Variants in ATP6V1B1 observed in about 807,000 individuals in gnomAD.
The protein encoded by ATP6V1B1 is ATPase H+ transporting V1 subunit B1.
ATP6V1B1 carries 41 observed loss-of-function variants against 62.1 expected under a neutral mutation model. That is an observed-to-expected ratio of 0.66 (90% CI 0.51 to 0.86). ATP6V1B1 has a LOEUF of 0.86. ATP6V1B1 is among the 40% of genes least tolerant of loss of function. ATP6V1B1 has a pLI of 0.00. For missense variants in ATP6V1B1, 651 were observed against 697.5 expected (o/e 0.93, Z 0.75); for synonymous variants, 253 against 273.4 (o/e 0.93, Z 0.74).
chr2:70,936,625 G>A (rs752562095), intron 1 of ATP6V1B1, among the ~76,000 whole-genome samples: 6 of 152,152 alleles, frequency 3.9e-5, no homozygotes, highest in Non-Finnish European at 8.8e-5. Context: ...ATGTGCCTAG[G>A]GGGTGCTCCC....
intron 2 of ATP6V1B1, chr2:70,956,074 T>A: frequency 4.7e-6 from 1 of 210,616 alleles, no homozygotes; most frequent in Non-Finnish European, 1.1e-5. Flanking sequence ...GGTTTTGTTC[T>A]CAGCAAACTG....
chr2:70,936,700 G>A (rs905035961), intron 1 of ATP6V1B1, among the ~76,000 whole-genome samples: 2 of 152,180 alleles, frequency 1.3e-5, no homozygotes, highest in African/African-American at 4.8e-5. Flanking sequence ...AGGTGTGTGT[G>A]TGTGCACTTA....
chr2:70,950,571 G>A (rs11891070), intron 2 of ATP6V1B1, among the ~76,000 whole-genome samples: 5,571 of 151,344 alleles, frequency 0.037, 269 homozygotes, highest in African/African-American at 0.11. Context: ...GGTTTTCTCC[G>A]TTGCCTCTTC....
chr2:70,964,836 A>C lies in ATP6V1B1; in HGVS notation c.1349A>C (p.Gln450Pro). Reference sequence around the variant, plus strand: ...GACCTGCTCTACCTGGAATTCCTGCAGAAGTTTGAGAAGAACTTCATCAAT... The same window carrying C: ...GACCTGCTCTACCTGGAATTCCTGCCGAAGTTTGAGAAGAACTTCATCAAT... ...SEDLLYLEFL[Q>P]KFEKNFINQG... is the part of the protein sequence containing the mutation. The change falls in exon 13 of 14, where the codon CAG becomes CCG. Residue 450 changes from glutamine to proline, a missense_variant. By Grantham distance (76) the Gln-to-Pro change is moderately conservative. Coordinates refer to ENST00000234396, the MANE Select transcript of ATP6V1B1 (RefSeq NM_001692.4). The C allele has an allele frequency of 6.2e-7, 1 of 1,614,050 alleles. No individual in the cohort carries two copies. The highest frequency in any genetic ancestry group is 1.7e-5 in the Admixed American group (1 of 60,030).
intron 1 of ATP6V1B1, 27 bp from the exon 2 acceptor site, chr2:70,943,631 C>T (rs781819292): frequency 5.0e-6 from 8 of 1,607,528 alleles, no homozygotes; most frequent in Middle Eastern, 1.6e-4. Flanking sequence ...GGGGTGAGAC[C>T]CCTACTCACC....
In ATP6V1B1 at chr2:70,958,035, C is replaced by T; in HGVS notation, c.175-11C>T. ...TCTCACTGTCACGTGGCTGCTCTCC[C>T]CTCCTGCCAGTTTGCCCAGTATGCG... On this transcript the variant is annotated splice_polypyrimidine_tract_variant and intron_variant, in intron 2 of 13. Coordinates refer to ENST00000234396, the MANE Select transcript of ATP6V1B1 (RefSeq NM_001692.4). The T allele has an allele frequency of 6.2e-7, 1 of 1,612,808 alleles. No individual in the cohort carries two copies. The highest frequency in any genetic ancestry group is 8.5e-7 in the Non-Finnish European group (1 of 1,179,412).
At chr2:70,962,633 G>C in intron 8 of ATP6V1B1, 144 bp from the exon 9 acceptor site, 1 of 1,350,670 alleles carries the variant, frequency 7.4e-7, no homozygotes, top group Non-Finnish European at 1.0e-6. Flanking sequence ...TGGCCTAGGG[G>C]ATGGGGGCAA....
intron 1 of ATP6V1B1, chr2:70,941,270 C>T: frequency 3.0e-6 from 3 of 985,080 alleles, no homozygotes; most frequent in Non-Finnish European, 3.6e-6. Context: ...TGAAGTGGGA[C>T]ACAACGATGA....
chr2:70,959,096 G>A lies in ATP6V1B1; in HGVS notation c.445+1G>A. 6.2e-7 allele frequency: 1 copy of A among 1,614,126 alleles called. No individual in the cohort carries two copies. The highest frequency in any genetic ancestry group is 8.5e-7 in the Non-Finnish European group (1 of 1,180,012). On this transcript the variant is annotated splice_donor_variant, in intron 5 of 13. Coordinates refer to ENST00000234396, the MANE Select transcript of ATP6V1B1 (RefSeq NM_001692.4). LOFTEE classifies it high-confidence loss of function. This position sits in a 1 kb window ranked among gnomAD's most constrained non-coding sequence, Gnocchi z 4.2. ...GCGGAGGACTTTCTGGATATCAATG[G>A]TGAGTGACTGGAGGTTCTGGATGGC...
At chr2:70,938,127 A>G (rs1372565167) in intron 1 of ATP6V1B1, among the ~76,000 whole-genome samples, 3 of 152,146 alleles carry the variant, frequency 2.0e-5, no homozygotes, top group African/African-American at 7.2e-5. Flanking sequence ...GGCCAGCCTC[A>G]GCCCAGCCCA....
In ATP6V1B1 at chr2:70,963,182, G is replaced by T. The variant is rs1553420409; in HGVS notation, c.930G>T (p.Glu310Asp). The change falls in exon 10 of 14, where the codon GAG becomes GAT. Residue 310 changes from glutamate to aspartate, a missense_variant. Physicochemically the swap from Glu to Asp is conservative, Grantham distance 45 (BLOSUM62 2). Coordinates refer to ENST00000234396, the MANE Select transcript of ATP6V1B1 (RefSeq NM_001692.4). This position sits in a 1 kb window ranked among gnomAD's most constrained non-coding sequence, Gnocchi z 4.3. ...TGCAGGTCTCTGCTGCTAGAGAGGA[G>T]GTGCCTGGGCGCCGAGGGTTTCCTG... Reference protein sequence around the residue: ...ALREVSAAREEVPGRRGFPGY... With the variant: ...ALREVSAAREDVPGRRGFPGY... 1 of 1,613,986 alleles carries T rather than the reference G, an allele frequency of 6.2e-7. No individual in the cohort carries two copies. Among genetic ancestry groups the T allele is most frequent in the Non-Finnish European group, 8.5e-7 (1 of 1,180,040 alleles).
rs199914263 is a variant in ATP6V1B1, at chr2:70,960,926, C to T, written c.591C>T (p.Ala197=). ...SAAGLPHNEI[A]AQICRQAGLV... ...CCCAATCCACTCTGCCCTAGATTGC[C>T]GCTCAGATCTGCCGCCAGGCGGGGC... The change falls in exon 7 of 14, where the codon GCC becomes GCT. Residue 197 remains alanine (A), a synonymous_variant. Coordinates refer to ENST00000234396, the MANE Select transcript of ATP6V1B1 (RefSeq NM_001692.4). The T allele has an allele frequency of 1.5e-4, 238 of 1,607,504 alleles. No individual in the cohort carries two copies. Among genetic ancestry groups the T allele is most frequent in the Admixed American group, 5.9e-4 (35 of 59,264 alleles).
chr2:70,945,719 T>G lies in ATP6V1B1; in HGVS notation c.174+2006T>G, dbSNP rs1012948119. Among the ~76,000 whole-genome samples, 182 of 131,768 alleles carry G rather than the reference T, an allele frequency of 1.4e-3. 7 individuals carry two copies. Among genetic ancestry groups the G allele is most frequent in the African/African-American group, 4.7e-3 (159 of 33,890 alleles). 86.4% of individuals were successfully genotyped at this position (131,768 alleles called of 152,430 possible). ...TTGAAGAGATATATATATATATATA[T>G]ATATATATATATATATATATATAGT... On this transcript the variant is annotated intron_variant, in intron 2 of 13. Transcript: ENST00000234396.
intron 2 of ATP6V1B1, 41 bp downstream of exon 2, chr2:70,943,754 C>T: frequency 6.2e-7 from 1 of 1,609,046 alleles, no homozygotes; most frequent in Non-Finnish European, 8.5e-7. Flanking sequence ...AAGGCCAAAT[C>T]CCAGGGCGCC....
intron 2 of ATP6V1B1, among the ~76,000 whole-genome samples, chr2:70,950,779 T>G (rs1428347958): frequency 6.6e-6 from 1 of 152,158 alleles, no homozygotes; most frequent in Non-Finnish European, 1.5e-5. Context: ...ACTTTTACTT[T>G]ACTTTTTATT....
intron 2 of ATP6V1B1, among the ~76,000 whole-genome samples, chr2:70,951,334 C>T (rs2104817231): frequency 6.6e-6 from 1 of 152,242 alleles, no homozygotes; most frequent in African/African-American, 2.4e-5. Flanking sequence ...TACAGTAGAG[C>T]TATCAACTTC....
In ATP6V1B1 at chr2:70,940,404, G is replaced by A. The variant is rs543615941; in HGVS notation, c.119-3254G>A. 1.8e-5 allele frequency: 18 copies of A among 979,878 alleles called. No homozygotes were observed. The East Asian group carries it at 1.1e-3, about 59-fold the overall frequency. 60.7% of individuals were successfully genotyped at this position (979,878 alleles called of 1,614,324 possible). The stretch of plus-strand genomic sequence containing the variant: ...TACATCACTGCTTTCTTCCCCCAGC[G>A]CAGCCCTTTGGCAGGTGTGGCATGC... On this transcript the variant is annotated intron_variant, in intron 1 of 13. Coordinates refer to ENST00000234396, the MANE Select transcript of ATP6V1B1 (RefSeq NM_001692.4).
rs1477594979 is a variant in ATP6V1B1, at chr2:70,963,968, G to A, written c.1143+314G>A. 2.0e-6 allele frequency: 1 copy of A among 491,798 alleles called. No homozygotes were observed. Among genetic ancestry groups the A allele is most frequent in the Non-Finnish European group, 3.7e-6 (1 of 268,954 alleles). The allele number at this position is 491,798 out of a possible 1,614,324, so 30.5% of individuals were successfully genotyped here. On this transcript the variant is annotated intron_variant, in intron 11 of 13. Coordinates refer to ENST00000234396, the MANE Select transcript of ATP6V1B1 (RefSeq NM_001692.4). The surrounding 1 kb of genome is among the most constrained non-coding windows in gnomAD (Gnocchi z 4.3). ...ATAAAAATAAGTTGGCATATAGAAA[G>A]CATCTGGCAGATAGTCAATACTATT...
At chr2:70,949,350 A>G (rs1217883098) in intron 2 of ATP6V1B1, among the ~76,000 whole-genome samples, 1 of 152,216 alleles carries the variant, frequency 6.6e-6, no homozygotes, top group Non-Finnish European at 1.5e-5. Context: ...AGACATTCGT[A>G]TGTTCTCAGG....
Sources: allele counts gnomAD v4.1 joint callset (sites outside exome capture counted in the v4.1 genomes callset), GRCh38; gene constraint gnomAD v4.1.1; non-coding constraint Gnocchi (gnomAD v3.1); transcripts MANE v1.5; gene names NCBI Gene and HGNC (gene_info 2026-07-23, HGNC 2026-07-21).